Variants in AKT3 observed in about 807,000 individuals in gnomAD.
The protein encoded by AKT3 is RAC-gamma serine/threonine-protein kinase.
A neutral mutation model predicts 65.3 loss-of-function variants in AKT3; 15 were observed. The observed-to-expected ratio is 0.23, with a 90% CI of 0.15 to 0.35. The LOEUF (loss-of-function observed/expected upper bound fraction) is 0.35. AKT3 is among the 10% of genes least tolerant of loss of function. AKT3 has a pLI of 1.00. For synonymous variants in AKT3, 206 were observed against 183.8 expected (o/e 1.12, Z -0.98); for missense variants, 243 against 576.5 (o/e 0.42, Z 5.92).
chr1:243,791,169 C>T (rs1399973996), intron 2 of AKT3, among the ~76,000 whole-genome samples: 1 of 152,058 alleles, frequency 6.6e-6, no homozygotes, highest in African/African-American at 2.4e-5. Flanking sequence ...TTTAAATCAT[C>T]TCTAGATTAT....
intron 6 of AKT3, among the ~76,000 whole-genome samples, chr1:243,634,833 A>T (rs538682404): frequency 5.9e-5 from 9 of 152,108 alleles, no homozygotes; most frequent in Admixed American, 2.6e-4. Context: ...GAAAGCAATG[A>T]CCATTTTACA....
At chr1:243,629,655 G>C (rs554677272) in intron 6 of AKT3, among the ~76,000 whole-genome samples, 1 of 152,122 alleles carries the variant, frequency 6.6e-6, no homozygotes, top group Non-Finnish European at 1.5e-5. Context: ...AGCCAGGCGT[G>C]GTGGTGGGCA....
intron 3 of AKT3, among the ~76,000 whole-genome samples, chr1:243,685,814 T>G (rs1382584263): frequency 1.3e-5 from 2 of 152,154 alleles, no homozygotes; most frequent in Non-Finnish European, 2.9e-5. Context: ...GGAAGTCAAA[T>G]TATCTCTGTT....
At chr1:243,611,180 C>A (rs375580811) in intron 8 of AKT3, among the ~76,000 whole-genome samples, 1 of 152,168 alleles carries the variant, frequency 6.6e-6, no homozygotes, top group African/African-American at 2.4e-5. Context: ...ACTGCATCCA[C>A]AGTTTTGACT....
intron 2 of AKT3, among the ~76,000 whole-genome samples, chr1:243,700,642 TACAGGTGCGCACC>T (rs1223257979): frequency 6.6e-6 from 1 of 152,050 alleles, no homozygotes; most frequent in African/African-American, 2.4e-5. Flanking sequence ...TAGCTGGGAT[TACAGGTGCGCACC>T]ACCACACCCA....
chr1:243,601,406 C>T (rs141742665), intron 8 of AKT3, among the ~76,000 whole-genome samples: 3 of 152,036 alleles, frequency 2.0e-5, no homozygotes, highest in Admixed American at 6.6e-5. Context: ...TATACATCCA[C>T]CAGAATGAGT....
Position 243,661,427 on chromosome 1 carries a change from C to G in AKT3, c.284+3345G>C, listed in dbSNP as rs1404748282. ...ATATCTACAACTATCTGATCTTTGACAAACCTGAGAAAAACAAGCAATGGG... is the reference window on the plus strand; with the variant it reads ...ATATCTACAACTATCTGATCTTTGAGAAACCTGAGAAAAACAAGCAATGGG... On this transcript the variant is annotated intron_variant, in intron 4 of 13. Coordinates refer to ENST00000673466, the MANE Select transcript of AKT3 (RefSeq NM_005465.7). 4.0e-5 allele frequency among the ~76,000 whole-genome samples: 6 copies of G among 151,858 alleles called. No homozygotes were observed. The South Asian group carries it at 1.2e-3, about 32-fold the overall frequency.
chr1:243,550,789 C>CA (rs60834632), intron 11 of AKT3, among the ~76,000 whole-genome samples: 2,102 of 33,660 alleles, frequency 0.062, 174 homozygotes, highest in African/African-American at 0.1. Context: ...ACTAAAATAC[C>CA]AAAAAAAAAA....
chr1:243,562,833 T>C (rs901466743), intron 10 of AKT3, among the ~76,000 whole-genome samples: 5 of 152,114 alleles, frequency 3.3e-5, no homozygotes, highest in Non-Finnish European at 5.9e-5. Flanking sequence ...ACCTCATACA[T>C]AGTGGAGAAT....
At chr1:243,765,245 A>C (rs547291100) in intron 2 of AKT3, among the ~76,000 whole-genome samples, 1 of 152,268 alleles carries the variant, frequency 6.6e-6, no homozygotes, top group African/African-American at 2.4e-5. Context: ...TAATTTTAAA[A>C]GCCTTTATAA....
chr1:243,791,037 A>G (rs1691600053), intron 2 of AKT3, among the ~76,000 whole-genome samples: 1 of 152,224 alleles, frequency 6.6e-6, no homozygotes, highest in Non-Finnish European at 1.5e-5. Context: ...GAGGCACAAC[A>G]TAAGCACATG....
Position 243,777,350 on chromosome 1 carries a change from C to T in AKT3, c.46+65775G>A, listed in dbSNP as rs534129094. Among the ~76,000 whole-genome samples the T allele has an allele frequency of 9.9e-5, 15 of 152,156 alleles. No individual in the cohort carries two copies. In the South Asian group the frequency reaches 1.9e-3, roughly 19 times the overall value. On this transcript the variant is annotated intron_variant, in intron 2 of 13. Transcript: ENST00000673466. ...TCAGGTGGTAATGCACACCTCCTGC[C>T]GTGTGGCCTGGCAGGGGGCAGTCCT...
chr1:243,601,033 C>G (rs1676964073), intron 8 of AKT3, among the ~76,000 whole-genome samples: 1 of 151,830 alleles, frequency 6.6e-6, no homozygotes, highest in African/African-American at 2.4e-5. Flanking sequence ...ATACAGCTGT[C>G]AAAACTCACT....
chr1:243,823,567 CAA>C (rs1693984349), intron 2 of AKT3, among the ~76,000 whole-genome samples: 2 of 152,286 alleles, frequency 1.3e-5, no homozygotes, highest in Middle Eastern at 3.4e-3. Context: ...GCAACTTCAG[CAA>C]AGTCTCAGGA....
chr1:243,650,456 G>C (rs1490185575), intron 4 of AKT3, among the ~76,000 whole-genome samples: 11 of 152,128 alleles, frequency 7.2e-5, no homozygotes, highest in African/African-American at 2.7e-4. Context: ...ATTGCTTTTG[G>C]TGTTTTAGAC....
At chr1:243,775,051 C>A (rs1690458403) in intron 2 of AKT3, among the ~76,000 whole-genome samples, 1 of 151,494 alleles carries the variant, frequency 6.6e-6, no homozygotes, top group Non-Finnish European at 1.5e-5. Context: ...TTTGTAAAGA[C>A]GAGGTTTCGT....
intron 4 of AKT3, among the ~76,000 whole-genome samples, chr1:243,649,900 A>G (rs1329078335): frequency 6.6e-6 from 1 of 152,204 alleles, no homozygotes; most frequent in East Asian, 1.9e-4. Flanking sequence ...TTATGGTAGA[A>G]TGATTTATAA....
At chr1:243,718,456 G>GTT (rs1686651793) in intron 2 of AKT3, among the ~76,000 whole-genome samples, 2 of 151,584 alleles carry the variant, frequency 1.3e-5, no homozygotes, top group African/African-American at 4.8e-5. Flanking sequence ...CTACTGTTTT[G>GTT]TTTTGTTTTT....
At chr1:243,802,502 C>T (rs1372224347) in intron 2 of AKT3, among the ~76,000 whole-genome samples, 2 of 152,076 alleles carry the variant, frequency 1.3e-5, no homozygotes, top group South Asian at 2.1e-4. Flanking sequence ...TGTAAACTTT[C>T]CAGTCATTAT....
Sources: allele counts gnomAD v4.1 joint callset (sites outside exome capture counted in the v4.1 genomes callset), GRCh38; gene constraint gnomAD v4.1.1; transcripts MANE v1.5; gene names NCBI Gene and HGNC (gene_info 2026-07-23, HGNC 2026-07-21).